AKT3: variants seen among roughly 807,000 people sequenced by gnomAD.
The protein encoded by AKT3 is AKT serine/threonine kinase 3, also known as RAC-gamma serine/threonine-protein kinase.
Under a neutral mutation model 65.3 loss-of-function variants are expected in AKT3, and 15 were observed. The ratio of observed to expected loss-of-function variants is 0.23; its 90% CI spans 0.15 to 0.35. The LOEUF is 0.35. Ranked by LOEUF, AKT3 falls within the 10% of genes least tolerant of loss-of-function variation. AKT3 has a pLI of 1.00. For missense variants in AKT3, 243 were observed against 576.5 expected, an observed-to-expected ratio of 0.42 and a Z score of 5.92; for synonymous variants, 206 against 183.8, an observed-to-expected ratio of 1.12 and a Z score of -0.98.
intron 2 of AKT3, among the ~76,000 whole-genome samples, chr1:243,756,771 G>A (rs899891227): frequency 2.0e-5 from 3 of 152,062 alleles, no homozygotes; most frequent in Admixed American, 6.5e-5. Context: ...TACCTCCTTA[G>A]AAAATAATAA....
chr1:243,720,879 C>T (rs1686852561), intron 2 of AKT3, among the ~76,000 whole-genome samples: 1 of 152,040 alleles, frequency 6.6e-6, no homozygotes, highest in East Asian at 1.9e-4. Context: ...AAGTACTTGC[C>T]ACACCATATT....
intron 2 of AKT3, among the ~76,000 whole-genome samples, chr1:243,833,849 C>T (rs373993653): frequency 6.6e-5 from 10 of 151,502 alleles, no homozygotes; most frequent in Non-Finnish European, 1.3e-4. Context: ...CGCTTGAGGC[C>T]AGGAGTTTGA....
At chr1:243,612,385 G>A (rs565563946) in intron 8 of AKT3, 1 of 152,248 alleles carries the variant, frequency 6.6e-6, no homozygotes, top group Non-Finnish European at 1.5e-5. Flanking sequence ...CAACTGCTGG[G>A]ATTACAAGTC....
intron 5 of AKT3, among the ~76,000 whole-genome samples, chr1:243,641,447 A>T (rs1680392934): frequency 1.3e-5 from 2 of 151,898 alleles, no homozygotes; most frequent in South Asian, 4.1e-4. Context: ...TCATTTGGAC[A>T]GTATGTTCCT....
chr1:243,648,266 A>G (rs913095370), intron 4 of AKT3, among the ~76,000 whole-genome samples: 3 of 151,926 alleles, frequency 2.0e-5, no homozygotes, highest in Admixed American at 6.6e-5. Context: ...TAAAAAAAAA[A>G]AAAAGAAAAG....
chr1:243,753,319 G>A (rs953417038), intron 2 of AKT3, among the ~76,000 whole-genome samples: 2 of 152,138 alleles, frequency 1.3e-5, no homozygotes, highest in African/African-American at 4.8e-5. Context: ...TATAAAGCAA[G>A]GTATTTGGAT....
chr1:243,665,420 C>T (rs1034612414), intron 3 of AKT3, among the ~76,000 whole-genome samples: 1 of 152,130 alleles, frequency 6.6e-6, no homozygotes, highest in African/African-American at 2.4e-5. Context: ...CTTATCCTTA[C>T]CTAGATTATA....
chr1:243,674,440 C>G (rs941627267), intron 3 of AKT3, among the ~76,000 whole-genome samples: 1 of 152,142 alleles, frequency 6.6e-6, no homozygotes, highest in Non-Finnish European at 1.5e-5. Context: ...ACGAAGGAAA[C>G]AATCTTGATA....
intron 2 of AKT3, among the ~76,000 whole-genome samples, chr1:243,798,468 G>A (rs1266316837): frequency 3.2e-5 from 4 of 126,396 alleles, no homozygotes; most frequent in South Asian, 2.5e-4. Flanking sequence ...TCAAACTCCT[G>A]GGCTCAAGCA....
chr1:243,614,227 A>C (rs1367122160), intron 7 of AKT3, among the ~76,000 whole-genome samples: 2 of 152,200 alleles, frequency 1.3e-5, no homozygotes, highest in African/African-American at 4.8e-5. Context: ...TGTAGGTTAT[A>C]TATAGGTTAT....
intron 12 of AKT3, among the ~76,000 whole-genome samples, chr1:243,524,706 G>A (rs1232280779): frequency 1.3e-5 from 2 of 152,184 alleles, no homozygotes. Flanking sequence ...CATCTGGCAT[G>A]CAATAATGCA....
intron 2 of AKT3, among the ~76,000 whole-genome samples, chr1:243,779,521 G>C (rs1224033005): frequency 1.3e-5 from 2 of 152,094 alleles, no homozygotes; most frequent in African/African-American, 4.8e-5. Context: ...ACAAGCAAGA[G>C]TGGTTTCTCA....
At position 243,623,166 on chromosome 1, in the gene AKT3, T is replaced by C. The variant is rs998789722; in HGVS notation, c.562-8005A>G. On this transcript the variant is annotated intron_variant, in intron 6 of 13. Transcript: ENST00000673466. ...TAGTTTATGCAAACAACAGGATGCA[T>C]GATTAATACTTCGTGCCTGATTTTG... 3.3e-5 allele frequency among the ~76,000 whole-genome samples: 5 copies of C among 152,182 alleles called. No individual in the cohort carries two copies. The East Asian group carries it at 9.6e-4, about 29-fold the overall frequency.
chr1:243,794,697 A>G (rs1274268289), intron 2 of AKT3, among the ~76,000 whole-genome samples: 1 of 152,240 alleles, frequency 6.6e-6, no homozygotes, highest in Non-Finnish European at 1.5e-5. Context: ...CTACATTTTA[A>G]TCATTCTGAT....
At position 243,642,500 on chromosome 1, in the gene AKT3, G is replaced by A. The variant is rs186283985; in HGVS notation, c.429+3393C>T. Among the ~76,000 whole-genome samples the A allele has an allele frequency of 1.0e-3, 156 of 152,130 alleles. 1 individual carries two copies. Among genetic ancestry groups the A allele is most frequent in the Middle Eastern group, 6.8e-3 (2 of 294 alleles). ...AATTTTTTGTATTTTTAGTAGAGAC[G>A]GGGTTTCACCGTGTTAGCCAGGATG... On this transcript the variant is annotated intron_variant, in intron 5 of 13. Coordinates refer to ENST00000673466, the MANE Select transcript of AKT3 (RefSeq NM_005465.7).
intron 8 of AKT3, among the ~76,000 whole-genome samples, chr1:243,584,112 C>A (rs1675619494): frequency 6.6e-6 from 1 of 151,962 alleles, no homozygotes; most frequent in Admixed American, 6.6e-5. Flanking sequence ...ATATAAATAA[C>A]CACAATTAGA....
intron 3 of AKT3, among the ~76,000 whole-genome samples, chr1:243,688,842 A>G (rs910979043): frequency 1.3e-5 from 2 of 151,792 alleles, no homozygotes; most frequent in Non-Finnish European, 2.9e-5. Flanking sequence ...TTTTTCCTCC[A>G]GCATAAATTC....
intron 2 of AKT3, among the ~76,000 whole-genome samples, chr1:243,777,198 G>A (rs372524302): frequency 1.3e-5 from 2 of 152,176 alleles, no homozygotes; most frequent in East Asian, 3.9e-4. Flanking sequence ...TGATGCAAGT[G>A]CATTACATTT....
intron 2 of AKT3, among the ~76,000 whole-genome samples, chr1:243,831,669 TC>T (rs1179557356): frequency 6.6e-6 from 1 of 152,134 alleles, no homozygotes; most frequent in Non-Finnish European, 1.5e-5. Flanking sequence ...AGGTACAGCT[TC>T]TCTGCATTCT....
Sources: allele counts gnomAD v4.1 joint callset (sites outside exome capture counted in the v4.1 genomes callset), GRCh38; gene constraint gnomAD v4.1.1; transcripts MANE v1.5; gene names NCBI Gene and HGNC (gene_info 2026-07-23, HGNC 2026-07-21).